The following AFF3 variants were observed in gnomAD, a reference collection of about 807,000 sequenced individuals.
AFF3 encodes the protein AF4/FMR2 family member 3.
In AFF3, 32 loss-of-function variants were observed where a neutral mutation model predicts 129.7. That is an observed-to-expected ratio of 0.25 (90% CI 0.19 to 0.33). The LOEUF is 0.33. Ranked by LOEUF, AFF3 falls within the 10% of genes least tolerant of loss-of-function variation. AFF3 has a pLI of 1.00. For synonymous variants in AFF3, 644 were observed against 635.4 expected, an observed-to-expected ratio of 1.01 and a Z score of -0.20; for missense variants, 1,373 against 1,592.0, an observed-to-expected ratio of 0.86 and a Z score of 2.34.
intron 7 of AFF3, among the ~76,000 whole-genome samples, chr2:99,934,604 G>C (rs1417884786): frequency 1.3e-5 from 2 of 152,176 alleles, no homozygotes; most frequent in African/African-American, 4.8e-5. Context: ...AGTAAGGAAA[G>C]GGAATATCCC....
At chr2:99,708,277 AAGAAG>A (rs1204560336) in intron 11 of AFF3, among the ~76,000 whole-genome samples, 4 of 152,202 alleles carry the variant, frequency 2.6e-5, no homozygotes, top group African/African-American at 9.7e-5. Context: ...CAACTCCTGG[AAGAAG>A]AGAAATTTCC....
At chr2:99,913,671 G>T (rs1695259312) in intron 7 of AFF3, among the ~76,000 whole-genome samples, 1 of 152,104 alleles carries the variant, frequency 6.6e-6, no homozygotes, top group Non-Finnish European at 1.5e-5. Flanking sequence ...TTGAAAACTG[G>T]CTGATTCTAG....
chr2:100,136,762 C>A (rs955818833), intron 1 of AFF3, among the ~76,000 whole-genome samples: 2 of 151,944 alleles, frequency 1.3e-5, no homozygotes, highest in African/African-American at 4.8e-5. Flanking sequence ...TTTATCAAGT[C>A]CTCTCCCTCC....
intron 1 of AFF3, among the ~76,000 whole-genome samples, chr2:100,139,120 A>G (rs1692757446): frequency 6.6e-6 from 1 of 152,116 alleles, no homozygotes; most frequent in South Asian, 2.1e-4. Flanking sequence ...TTATACAACC[A>G]CCACTCAAAC....
chr2:99,927,158 G>C (rs1347315594), intron 7 of AFF3, among the ~76,000 whole-genome samples: 3 of 152,206 alleles, frequency 2.0e-5, no homozygotes, highest in African/African-American at 7.2e-5. Context: ...CTTGCTTCAA[G>C]TCAAAAGCTT....
chr2:99,847,334 C>A (rs1689805255), intron 7 of AFF3, among the ~76,000 whole-genome samples: 1 of 151,780 alleles, frequency 6.6e-6, no homozygotes, highest in African/African-American at 2.4e-5. Flanking sequence ...TGCCACCACG[C>A]CCAGATAATT....
intron 8 of AFF3, among the ~76,000 whole-genome samples, chr2:99,790,858 G>A (rs1359427150): frequency 8.5e-5 from 13 of 152,236 alleles, no homozygotes; most frequent in East Asian, 3.9e-4. Flanking sequence ...ACTTGCACAC[G>A]GCATAGCTTT....
intron 7 of AFF3, among the ~76,000 whole-genome samples, chr2:100,000,677 G>C (rs575846404): frequency 2.0e-5 from 3 of 152,016 alleles, no homozygotes; most frequent in Non-Finnish European, 4.4e-5. Context: ...TATTACATAC[G>C]TCTCATTCAC....
intron 12 of AFF3, among the ~76,000 whole-genome samples, chr2:99,658,459 C>T (rs1208281387): frequency 6.6e-6 from 1 of 152,132 alleles, no homozygotes; most frequent in African/African-American, 2.4e-5. Flanking sequence ...GCAACTCAGC[C>T]TCAGCCTCCT....
At chr2:100,005,243 T>G (rs1681855918) in intron 7 of AFF3, among the ~76,000 whole-genome samples, 2 of 149,896 alleles carry the variant, frequency 1.3e-5, no homozygotes, top group South Asian at 4.1e-4. Context: ...AAAATTCATC[T>G]TTTTTTGTTT....
chr2:99,881,479 TG>T (rs1463610164), intron 7 of AFF3, among the ~76,000 whole-genome samples: 5 of 152,114 alleles, frequency 3.3e-5, no homozygotes, highest in Non-Finnish European at 7.4e-5. Context: ...ATTTTTTCAT[TG>T]AAAAAAAGCC....
intron 4 of AFF3, among the ~76,000 whole-genome samples, chr2:100,055,118 C>T (rs2105176061): frequency 6.6e-6 from 1 of 152,202 alleles, no homozygotes; most frequent in East Asian, 1.9e-4. Flanking sequence ...TGCAGTTAAC[C>T]CTTAACTCAT....
At chr2:99,649,775 G>T in intron 12 of AFF3, 109 bp from the exon 13 acceptor site, 2 of 1,249,168 alleles carry the variant, frequency 1.6e-6, no homozygotes, top group Non-Finnish European at 2.3e-6. Context: ...TTTTTGCCAT[G>T]TGGCCAAATT....
intron 4 of AFF3, among the ~76,000 whole-genome samples, chr2:100,041,836 A>T (rs1283153896): frequency 6.6e-6 from 1 of 152,236 alleles, no homozygotes; most frequent in Non-Finnish European, 1.5e-5. Flanking sequence ...TATTTGCATC[A>T]TCACAAGTAC....
At chr2:99,672,848 T>C (rs1687288275) in intron 11 of AFF3, among the ~76,000 whole-genome samples, 1 of 152,184 alleles carries the variant, frequency 6.6e-6, no homozygotes, top group African/African-American at 2.4e-5. Flanking sequence ...GATGCTGTGT[T>C]AGCAGGGAAA....
At chr2:100,113,184 CATTTCAGAT>C (rs370547730) in intron 2 of AFF3, among the ~76,000 whole-genome samples, 1 of 152,136 alleles carries the variant, frequency 6.6e-6, no homozygotes, top group African/African-American at 2.4e-5. Context: ...TCACATAAGT[CATTTCAGAT>C]ATTGATTTAC....
At chr2:99,932,186 A>C (rs566741722) in intron 7 of AFF3, among the ~76,000 whole-genome samples, 2 of 152,262 alleles carry the variant, frequency 1.3e-5, no homozygotes, top group African/African-American at 2.4e-5. Context: ...AACTTTCTTA[A>C]AACATTATGA....
intron 7 of AFF3, among the ~76,000 whole-genome samples, chr2:99,890,270 G>A (rs968011495): frequency 3.3e-5 from 5 of 152,096 alleles, no homozygotes. Context: ...ACAGGTGAAG[G>A]GTTTTGATTG....
At chr2:99,789,609 C>T (rs1033686112) in intron 8 of AFF3, among the ~76,000 whole-genome samples, 5 of 152,180 alleles carry the variant, frequency 3.3e-5, no homozygotes, top group South Asian at 4.1e-4. Flanking sequence ...CTGGGATTAA[C>T]CTGCATGGAT....
Sources: gnomAD v4.1 joint callset for allele counts (sites outside exome capture counted in the v4.1 genomes callset) on GRCh38, gnomAD v4.1.1 for gene constraint, MANE v1.5 for transcripts, NCBI Gene and HGNC (gene_info 2026-07-23, HGNC 2026-07-21) for gene names.